The following ABCA13 variants were observed in gnomAD, a reference collection of about 807,000 sequenced individuals.
The protein encoded by ABCA13 is ATP-binding cassette sub-family A member 13.
In ABCA13, 476 loss-of-function variants were observed where a neutral mutation model predicts 478.7. The observed-to-expected ratio is 0.99, with a 90% CI of 0.92 to 1.07. The LOEUF is 1.07. ABCA13 is among the 50% of genes least tolerant of loss of function. The pLI is 0.00. For missense variants in ABCA13, 6,060 were observed against 5,910.6 expected (o/e 1.03, Z -0.83); for synonymous variants, 2,252 against 2,158.9 (o/e 1.04, Z -1.20).
intron 20 of ABCA13, among the ~76,000 whole-genome samples, chr7:48,289,543 T>A (rs527417995): frequency 3.1e-4 from 47 of 152,120 alleles, no homozygotes; most frequent in African/African-American, 1.1e-3. Context: ...TATTTCTTGG[T>A]AGAGGTGGGG....
At position 48,615,344 on chromosome 7, in the gene ABCA13, A is replaced by C; in HGVS notation, c.14804A>C (p.Lys4935Thr). 6.3e-7 allele frequency: 1 copy of C among 1,577,522 alleles called. No individual in the cohort carries two copies. ...RLAIMVNGSF[K>T]CLGSPQHIKN... is the part of the protein sequence containing the mutation. ...GCCATAATGGTTAACGGCAGCTTCA[A>C]ATGTCTTGGTTCTCCTCAGCACATC... The change falls in exon 59 of 62, where the codon AAA (lysine) becomes ACA (threonine). Residue 4935 changes from lysine (K) to threonine (T), a missense_variant. Around this residue, in one of 3 missense-constraint regions of ABCA13, gnomAD observed 1,627 missense variants for 1,571.0 expected, o/e 1.04. Transcript: ENST00000435803.
At chr7:48,617,606 C>T (rs555222485) in intron 59 of ABCA13, among the ~76,000 whole-genome samples, 228 of 152,178 alleles carry the variant, frequency 1.5e-3, no homozygotes, top group African/African-American at 5.1e-3. Flanking sequence ...GAGACCAGCT[C>T]CCCTTGGGAG....
chr7:48,470,682 G>C (rs1017702623), intron 44 of ABCA13, among the ~76,000 whole-genome samples: 1 of 152,126 alleles, frequency 6.6e-6, no homozygotes, highest in African/African-American at 2.4e-5. Context: ...TTTTCACTGG[G>C]CAAGGCTTTC....
intron 1 of ABCA13, among the ~76,000 whole-genome samples, chr7:48,175,299 T>C (rs1794689590): frequency 6.6e-6 from 1 of 152,230 alleles, no homozygotes; most frequent in African/African-American, 2.4e-5. Flanking sequence ...GATGTTTCAA[T>C]ACAAATAATG....
At chr7:48,242,737 C>A (rs1424065116) in intron 10 of ABCA13, among the ~76,000 whole-genome samples, 1 of 152,204 alleles carries the variant, frequency 6.6e-6, no homozygotes, top group Non-Finnish European at 1.5e-5. Context: ...CCGCAGCTGG[C>A]CACCTTCAGC....
rs79644692 is a variant in ABCA13 at position 48,389,149 on chromosome 7, C to G, written c.11583C>G (p.Leu3861=). 3.1e-6 allele frequency: 5 copies of G among 1,613,854 alleles called. No homozygotes were observed. The highest frequency in any genetic ancestry group is 4.2e-6 in the Non-Finnish European group (5 of 1,179,888). ...YEGHKAVVQD[L]SLTFYRDQIT... ...GCCACAAGGCTGTGGTCCAAGACCT[C>G]AGCCTGACCTTCTACAGAGACCAAA... Residue 3861 remains leucine (L), a synonymous_variant, in exon 37 of 62, where the codon CTC becomes CTG. Coordinates refer to ENST00000435803, the MANE Select transcript of ABCA13 (RefSeq NM_152701.5).
intron 45 of ABCA13, among the ~76,000 whole-genome samples, chr7:48,474,202 G>A (rs1326736729): frequency 6.6e-6 from 1 of 152,242 alleles, no homozygotes; most frequent in African/African-American, 2.4e-5. Context: ...ATACAAATGT[G>A]TGAATTTGCA....
chr7:48,636,421 A>G (rs561668594), intron 59 of ABCA13, among the ~76,000 whole-genome samples: 1 of 152,238 alleles, frequency 6.6e-6, no homozygotes, highest in Non-Finnish European at 1.5e-5. Flanking sequence ...ATTCACTTTC[A>G]TAACTCAGCT....
At chr7:48,260,227 T>C (rs184732668) in intron 15 of ABCA13, among the ~76,000 whole-genome samples, 2 of 152,202 alleles carry the variant, frequency 1.3e-5, no homozygotes, top group Admixed American at 1.3e-4. Flanking sequence ...TGGTTCTTTC[T>C]CATCTGTGTC....
intron 23 of ABCA13, among the ~76,000 whole-genome samples, chr7:48,308,736 A>C (rs935871089): frequency 7.9e-5 from 12 of 151,974 alleles, no homozygotes; most frequent in Non-Finnish European, 1.3e-4. Context: ...TGGTGGTCCC[A>C]TGAGATTATA....
intron 38 of ABCA13, 63 bp from the exon 39 acceptor site, chr7:48,403,620 T>C (rs1318771285): frequency 6.6e-7 from 1 of 1,509,368 alleles, no homozygotes; most frequent in African/African-American, 1.4e-5. Context: ...ATTTCTGGAG[T>C]GAAATTAGAA....
chr7:48,307,758 G>A (rs746262580), intron 23 of ABCA13, among the ~76,000 whole-genome samples: 23 of 152,068 alleles, frequency 1.5e-4, no homozygotes, highest in Non-Finnish European at 2.5e-4. Flanking sequence ...TCGGCTCACT[G>A]TGAGCTCCAC....
At chr7:48,352,102 C>T (rs1809099482) in intron 30 of ABCA13, 79 bp from the exon 31 acceptor site, 12 of 1,406,902 alleles carry the variant, frequency 8.5e-6, no homozygotes, top group Non-Finnish European at 1.2e-5. Context: ...GCAACTTTTC[C>T]TGTCTCACCC....
rs1224407339 is a variant in ABCA13, at chr7:48,193,245, T to C, written c.163+193T>C. Among the ~76,000 whole-genome samples the C allele has an allele frequency of 2.0e-5, 3 of 152,212 alleles. No homozygotes were observed. The East Asian group carries it at 5.8e-4, about 29-fold the overall frequency. On this transcript the variant is annotated intron_variant, in intron 2 of 61. Coordinates refer to ENST00000435803, the MANE Select transcript of ABCA13 (RefSeq NM_152701.5). Reference sequence around the variant, plus strand: ...TAGGTTTTGTCTTTTAAGAATGATATTCACACAGGTTCACTCAATCTAGCA... The same window carrying C: ...TAGGTTTTGTCTTTTAAGAATGATACTCACACAGGTTCACTCAATCTAGCA...
At chr7:48,328,398 T>C (rs1425094108) in intron 27 of ABCA13, among the ~76,000 whole-genome samples, 1 of 152,184 alleles carries the variant, frequency 6.6e-6, no homozygotes, top group Non-Finnish European at 1.5e-5. Flanking sequence ...AAGTGGCCAA[T>C]ATGGAACATT....
At chr7:48,546,384 C>G (rs1287997666) in intron 55 of ABCA13, among the ~76,000 whole-genome samples, 1 of 151,502 alleles carries the variant, frequency 6.6e-6, no homozygotes. Flanking sequence ...AAACAGAATC[C>G]AGTAAAATGA....
At chr7:48,279,946 GT>G (rs535749675) in intron 18 of ABCA13, 26 bp downstream of exon 18, 4 of 1,497,938 alleles carry the variant, frequency 2.7e-6, no homozygotes, top group East Asian at 2.3e-5. Context: ...AATTCACTTT[GT>G]TTTTTTCTCT....
At chr7:48,570,316 C>G (rs555856097) in intron 55 of ABCA13, among the ~76,000 whole-genome samples, 2 of 138,174 alleles carry the variant, frequency 1.4e-5, no homozygotes, top group African/African-American at 5.6e-5. Context: ...CTTTTTGCAT[C>G]CTCTTTTTTT....
chr7:48,448,390 C>A (rs1019388310), intron 42 of ABCA13, among the ~76,000 whole-genome samples: 1 of 152,132 alleles, frequency 6.6e-6, no homozygotes, highest in African/African-American at 2.4e-5. Context: ...ATTCAATATC[C>A]CTGATTCCCT....
Sources: allele counts gnomAD v4.1 joint callset (sites outside exome capture counted in the v4.1 genomes callset), GRCh38; gene constraint gnomAD v4.1.1; regional missense constraint gnomAD v4.1.1; transcripts MANE v1.5; gene names NCBI Gene and HGNC (gene_info 2026-07-23, HGNC 2026-07-21).